NELFE: variants seen among roughly 807,000 people sequenced by gnomAD.
NELFE encodes the protein negative elongation factor complex member E.
NELFE carries 26 observed loss-of-function variants against 55.5 expected under a neutral mutation model. The ratio of observed to expected loss-of-function variants is 0.47; its 90% confidence interval spans 0.34 to 0.65. The LOEUF is 0.65. Ranked by LOEUF, NELFE falls within the 30% of genes least tolerant of loss-of-function variation. The pLI, the probability that NELFE is intolerant of heterozygous loss-of-function variation, is 0.01. For missense variants in NELFE, 403 were observed against 506.9 expected (o/e 0.80, Z 1.97); for synonymous variants, 162 against 178.0 (o/e 0.91, Z 0.72).
At chr6:31,952,996 C>T (rs1223969656) in intron 10 of NELFE, among the ~76,000 whole-genome samples, 1 of 152,232 alleles carries the variant, frequency 6.6e-6, no homozygotes, top group East Asian at 1.9e-4. Flanking sequence ...GTTCCATCCC[C>T]ACCACCCTTG....
chr6:31,957,084 G>T, intron 2 of NELFE, 74 bp from the exon 3 acceptor site: 1 of 1,327,040 alleles, frequency 7.5e-7, no homozygotes, highest in Non-Finnish European at 1.1e-6. Context: ...AGGCCCCTGG[G>T]CACATCACTC....
At position 31,954,723 on chromosome 6, in the gene NELFE, G is replaced by A; in HGVS notation, c.574C>T (p.His192Tyr). ...CGGTCTCTGTCCCGGTTCCTCTCAT[G>A]GCTGCGGTCCCGGCTGCGGCTTCGG... ...PPRSRSRDRSHERNRDRDRDR... is the reference protein window; with the variant it reads ...PPRSRSRDRSYERNRDRDRDR... The change falls in exon 7 of 11, where the codon CAT (histidine) becomes TAT (tyrosine). Residue 192 changes from histidine to tyrosine, a missense_variant. Transcript: ENST00000375429. The surrounding 1 kb of genome is among the most constrained non-coding windows in gnomAD (Gnocchi z 5.5). The A allele has an allele frequency of 1.2e-6, 2 of 1,613,908 alleles. No individual in the cohort carries two copies. Among genetic ancestry groups the A allele is most frequent in the African/African-American group, 1.3e-5 (1 of 75,026 alleles).
intron 2 of NELFE, 148 bp from the exon 3 acceptor site, chr6:31,957,158 G>A (rs1772138589): frequency 2.8e-6 from 2 of 723,746 alleles, no homozygotes; most frequent in East Asian, 5.0e-5. Context: ...CTTGCCTCTG[G>A]TCCCCTAGAT....
In NELFE at chr6:31,952,820, T is replaced by C. The variant is rs4151663; in HGVS notation, c.1046-422A>G. The stretch of plus-strand genomic sequence containing the variant: ...ACTCCTTTCCCAGGAAAATCTACTT[T>C]CAGGGAAAATGGATTATTCACACTA... On this transcript the variant is annotated intron_variant, in intron 10 of 10. Transcript: ENST00000375429. Among the ~76,000 whole-genome samples the C allele has an allele frequency of 6.4e-3, 969 of 152,332 alleles. 13 individuals carry two copies. The highest frequency in any genetic ancestry group is 0.022 in the African/African-American group (933 of 41,564).
intron 4 of NELFE, 29 bp downstream of exon 4, chr6:31,956,664 C>T: frequency 6.3e-7 from 1 of 1,578,104 alleles, no homozygotes; most frequent in African/African-American, 1.3e-5. Flanking sequence ...GAGGGATGCC[C>T]TTTAAACAAT....
At position 31,953,748 on chromosome 6, in the gene NELFE, C is replaced by A; in HGVS notation, c.1026G>T (p.Lys342Asn). ...KQPMLDAATG[K>N]SVWGSLAVQN... ...TCTTACCGAGGGAGCCCCAGACAGA[C>A]TTGCCAGTAGCGGCATCCAGCATGG... The change falls in exon 10 of 11, where the codon AAG (lysine) becomes AAT (asparagine). Residue 342 changes from lysine (K) to asparagine (N), a missense_variant. Around this residue, in one of 3 missense-constraint regions of NELFE, gnomAD observed 77 missense variants for 123.3 expected, o/e 0.62. Transcript: ENST00000375429. The A allele has an allele frequency of 1.2e-6, 2 of 1,612,990 alleles. No individual in the cohort carries two copies. Among genetic ancestry groups the A allele is most frequent in the Non-Finnish European group, 8.5e-7 (1 of 1,179,964 alleles).
chr6:31,955,071 G>C lies in NELFE; in HGVS notation c.392C>G (p.Ser131Cys), dbSNP rs753874714. Residue 131 changes from serine to cysteine, a missense_variant, in exon 6 of 11, where the codon TCT becomes TGT. Coordinates refer to ENST00000375429, the MANE Select transcript of NELFE (RefSeq NM_002904.6). ...TCTACTCTCTAACCTCTCATACAGAGATTTCCTCTGGGGACGTCTGGATGA... is the reference window on the plus strand; with the variant it reads ...TCTACTCTCTAACCTCTCATACAGACATTTCCTCTGGGGACGTCTGGATGA... ...QESSRRPQRK[S>C]LYESFVSSSD... The C allele has an allele frequency of 1.9e-6, 3 of 1,613,010 alleles. No individual in the cohort carries two copies. The African/African-American group carries it at 4.0e-5, about 22-fold the overall frequency.
At position 31,956,749 on chromosome 6, in the gene NELFE, C is replaced by T. The variant is rs1326059406; in HGVS notation, c.235G>A (p.Ala79Thr). 1 of 1,613,018 alleles carries T rather than the reference C, an allele frequency of 6.2e-7. No homozygotes were observed. The highest frequency in any genetic ancestry group is 8.5e-7 in the Non-Finnish European group (1 of 1,180,002). Residue 79 changes from alanine (A) to threonine (T), a missense_variant, in exon 4 of 11, where the codon GCT (alanine) becomes ACT (threonine). Coordinates refer to ENST00000375429, the MANE Select transcript of NELFE (RefSeq NM_002904.6). ...VKSGAISAIK[A>T]ETKNSGFKRS... ...TTGAAGCCTGAGTTCTTGGTCTCAG[C>T]CTTGATGGCACTGATGGCTCCTGAC...
chr6:31,955,157 A>G, intron 5 of NELFE, 61 bp from the exon 6 acceptor site: 1 of 1,612,122 alleles, frequency 6.2e-7, no homozygotes, highest in Non-Finnish European at 8.5e-7. Flanking sequence ...GGTCCAAAAT[A>G]TATTTGTCTC....
At chr6:31,952,597 T>C (rs1250684506) in intron 10 of NELFE, among the ~76,000 whole-genome samples, 199 bp from the exon 11 acceptor site, 1 of 152,220 alleles carries the variant, frequency 6.6e-6, no homozygotes, top group Non-Finnish European at 1.5e-5. Flanking sequence ...AGTGGACATT[T>C]TGATGAATGT....
At chr6:31,956,601 G>T in intron 4 of NELFE, 92 bp downstream of exon 4, 4 of 1,319,094 alleles carry the variant, frequency 3.0e-6, no homozygotes, top group Non-Finnish European at 4.2e-6. Flanking sequence ...ACAGCAATTT[G>T]CCAGTGCTTG....
rs1367563314 is a variant in NELFE, at chr6:31,954,156, T to C, written c.888-22A>G. 6.2e-7 allele frequency: 1 copy of C among 1,613,956 alleles called. No individual in the cohort carries two copies. Among genetic ancestry groups the C allele is most frequent in the Non-Finnish European group, 8.5e-7 (1 of 1,179,902 alleles). On this transcript the variant is annotated intron_variant, in intron 8 of 10. Transcript: ENST00000375429. This position sits in a 1 kb window ranked among gnomAD's most constrained non-coding sequence, Gnocchi z 5.5. ...ACAGCTGGGATAAGAGAAAACACGG[T>C]CAGTGGAGAGCCAAGGGGCTCTTCT...
At chr6:31,958,815 C>T in intron 1 of NELFE, 77 bp downstream of exon 1, 1 of 664,806 alleles carries the variant, frequency 1.5e-6, no homozygotes, top group Non-Finnish European at 2.7e-6. Context: ...GTAGCGCCCG[C>T]AGAGCAACGC....
rs1772282017 is a variant in NELFE at position 31,958,966 on chromosome 6, G to A, written c.-83C>T. 8.3e-6 allele frequency: 5 copies of A among 604,996 alleles called. No individual in the cohort carries two copies. Among genetic ancestry groups the A allele is most frequent in the Non-Finnish European group, 1.5e-5 (5 of 343,216 alleles). The allele number at this position is 604,996 out of a possible 1,614,324, so 37.5% of individuals were successfully genotyped here. ...TGGCCGCTGATAGCGGGCTCACAAC[G>A]ATGACGTAGCGAGGAGCGGAAAACG... On this transcript the variant is annotated 5_prime_UTR_variant, in exon 1 of 11. Coordinates refer to ENST00000375429, the MANE Select transcript of NELFE (RefSeq NM_002904.6).
Position 31,954,515 on chromosome 6 carries a change from T to C in NELFE, c.742+40A>G. 6.3e-7 allele frequency: 1 copy of C among 1,585,606 alleles called. No individual in the cohort carries two copies. The highest frequency in any genetic ancestry group is 8.6e-7 in the Non-Finnish European group (1 of 1,163,482). On this transcript the variant is annotated intron_variant, in intron 7 of 10. Transcript: ENST00000375429. The surrounding 1 kb of genome is among the most constrained non-coding windows in gnomAD (Gnocchi z 5.5). ...TCACTTAGTAGGACCCACATAAACC[T>C]CAGTTAAGGTCACCTTGACCTCCAG... is the stretch of plus-strand genomic sequence containing the variant.
chr6:31,952,161 G>C lies in NELFE; in HGVS notation c.*140C>G. 1 of 1,463,328 alleles carries C rather than the reference G, an allele frequency of 6.8e-7. No individual in the cohort carries two copies. The highest frequency in any genetic ancestry group is 1.2e-5 in the South Asian group (1 of 85,132). The allele number at this position is 1,463,328 out of a possible 1,614,324, so 90.6% of individuals were successfully genotyped here. ...ATGTTGTTACACTGAGATCAAACCT[G>C]ACAGCCGTTTTTAAAGGTTTAACCC... On this transcript the variant is annotated 3_prime_UTR_variant, in exon 11 of 11. Coordinates refer to ENST00000375429, the MANE Select transcript of NELFE (RefSeq NM_002904.6).
intron 2 of NELFE, chr6:31,957,213 C>T (rs937433097): frequency 3.2e-6 from 2 of 619,830 alleles, no homozygotes; most frequent in African/African-American, 3.7e-5. Context: ...ACCACGGAAC[C>T]CAGAGGTTTT....
intron 2 of NELFE, chr6:31,957,479 G>C (rs1180674875): frequency 1.3e-5 from 6 of 458,138 alleles, no homozygotes; most frequent in Non-Finnish European, 2.6e-5. Context: ...ATTATAAGAG[G>C]TGCAGATTAT....
At position 31,954,740 on chromosome 6, in the gene NELFE, C is replaced by T. The variant is rs544991638; in HGVS notation, c.557G>A (p.Arg186His). 58 of 1,613,516 alleles carry T rather than the reference C, an allele frequency of 3.6e-5. No homozygotes were observed. Among genetic ancestry groups the T allele is most frequent in the Non-Finnish European group, 4.1e-5 (48 of 1,180,012 alleles). ...AHSSASPPRS[R>H]SRDRSHERNR... ...CCTCTCATGGCTGCGGTCCCGGCTG[C>T]GGCTTCGGGGAGGGGAGGCTGAGGA... The change falls in exon 7 of 11, where the codon CGC (arginine) becomes CAC (histidine). Residue 186 changes from arginine to histidine, a missense_variant. Coordinates refer to ENST00000375429, the MANE Select transcript of NELFE (RefSeq NM_002904.6). The surrounding 1 kb of genome is among the most constrained non-coding windows in gnomAD (Gnocchi z 5.5).
Sources: gnomAD v4.1 joint callset for allele counts (sites outside exome capture counted in the v4.1 genomes callset) on GRCh38, gnomAD v4.1.1 for gene constraint, gnomAD v4.1.1 regional missense constraint, Gnocchi (gnomAD v3.1) non-coding constraint, MANE v1.5 for transcripts, NCBI Gene and HGNC (gene_info 2026-07-23, HGNC 2026-07-21) for gene names.